Variants in TGFBRAP1 observed in about 807,000 individuals in gnomAD.
TGFBRAP1 encodes the protein transforming growth factor-beta receptor-associated protein 1.
TGFBRAP1 carries 20 observed loss-of-function variants against 83.2 expected under a neutral mutation model. The ratio of observed to expected loss-of-function variants is 0.24; its 90% CI spans 0.17 to 0.35. The LOEUF (loss-of-function observed/expected upper bound fraction) is 0.35, where lower values mean the gene tolerates loss of function less well. Among genes scored for constraint, TGFBRAP1 ranks in the 10% least tolerant of loss-of-function variants. The probability of loss-of-function intolerance (pLI) is 1.00; values close to 1 mark genes in which losing one functional copy is unlikely to be tolerated. For synonymous variants in TGFBRAP1, 415 were observed against 459.8 expected (o/e 0.90, Z 1.25); for missense variants, 950 against 1,099.4 (o/e 0.86, Z 1.92).
In TGFBRAP1 at chr2:105,273,573, C is replaced by G. The variant is rs558979466; in HGVS notation, c.1783G>C (p.Glu595Gln). 1 of 1,614,158 alleles carries G rather than the reference C, an allele frequency of 6.2e-7. No homozygotes were observed. Among genetic ancestry groups the G allele is most frequent in the Non-Finnish European group, 8.5e-7 (1 of 1,180,026 alleles). The change falls in exon 9 of 12, where the codon GAA becomes CAA. Residue 595 changes from glutamate to glutamine, a missense_variant. Transcript: ENST00000393359. ...AGTCTCTTGTCTATCACAAGATGTT[C>G]CAGATACTTCACAAGGGCTTTAGGG... Reference protein sequence around the residue: ...KYPKALVKYLEHLVIDKRLQK... With the variant: ...KYPKALVKYLQHLVIDKRLQK...
rs562024958 is a variant in TGFBRAP1 at position 105,317,403 on chromosome 2, C to T, written c.-17-9085G>A. ...AGTGAGCCAAGATCGTGCCACTGCACTCCAGCCTGGCGACAGAGTGAGACT... is the reference window on the plus strand; with the variant it reads ...AGTGAGCCAAGATCGTGCCACTGCATTCCAGCCTGGCGACAGAGTGAGACT... On this transcript the variant is annotated intron_variant, in intron 1 of 11. Transcript: ENST00000393359. Among the ~76,000 whole-genome samples, 14 of 151,104 alleles carry T rather than the reference C, an allele frequency of 9.3e-5. No individual in the cohort carries two copies. The East Asian group carries it at 2.7e-3, about 30-fold the overall frequency.
At chr2:105,294,337 T>C (rs543073695) in intron 4 of TGFBRAP1, among the ~76,000 whole-genome samples, 59 of 149,398 alleles carry the variant, frequency 3.9e-4, no homozygotes, top group African/African-American at 1.3e-3. Flanking sequence ...TGTGTGTGTG[T>C]AAAAGACAAG....
At chr2:105,275,786 T>C (rs1677320357) in intron 7 of TGFBRAP1, 83 bp from the exon 8 acceptor site, 8 of 1,414,744 alleles carry the variant, frequency 5.7e-6, no homozygotes, top group Non-Finnish European at 6.6e-6. Context: ...AGTTGAGAAA[T>C]GGCATATGTT....
At chr2:105,272,494 G>T (rs1055200812) in intron 10 of TGFBRAP1, among the ~76,000 whole-genome samples, 11 of 152,238 alleles carry the variant, frequency 7.2e-5, no homozygotes, top group Admixed American at 7.2e-4. Context: ...ATCAATCAAA[G>T]GGCACCGTCC....
At chr2:105,304,208 GT>G (rs1221555198) in intron 2 of TGFBRAP1, among the ~76,000 whole-genome samples, 1 of 152,146 alleles carries the variant, frequency 6.6e-6, no homozygotes, top group Non-Finnish European at 1.5e-5. Context: ...GTACTAAAAT[GT>G]TTACAGATGA....
chr2:105,312,089 G>C lies in TGFBRAP1; in HGVS notation c.-17-3771C>G, dbSNP rs74649324. On this transcript the variant is annotated intron_variant, in intron 1 of 11. Coordinates refer to ENST00000393359, the MANE Select transcript of TGFBRAP1 (RefSeq NM_004257.6). ...TCTGAATCAGAGAAGTTTCAACATG[G>C]TAATGTTTCAAAAGGAAACGTTTCT... 6.1e-3 allele frequency among the ~76,000 whole-genome samples: 924 copies of C among 152,134 alleles called. 14 individuals carry two copies. Among genetic ancestry groups the C allele is most frequent in the African/African-American group, 0.021 (880 of 41,494 alleles).
At chr2:105,321,531 A>G (rs79771917) in intron 1 of TGFBRAP1, among the ~76,000 whole-genome samples, 1 of 152,194 alleles carries the variant, frequency 6.6e-6, no homozygotes, top group African/African-American at 2.4e-5. Context: ...AGAAAAAAAA[A>G]TGTTTCTCTG....
chr2:105,282,365 T>G (rs2576742), intron 5 of TGFBRAP1, among the ~76,000 whole-genome samples: 1 of 152,148 alleles, frequency 6.6e-6, no homozygotes, highest in Non-Finnish European at 1.5e-5. Context: ...TCTCTTAAGT[T>G]TCAACCATAA....
At position 105,267,389 on chromosome 2, in the gene TGFBRAP1, C is replaced by T. The variant is rs1054564903; in HGVS notation, c.2577G>A (p.Arg859=). The change falls in exon 12 of 12, where the codon CGG becomes CGA. Residue 859 remains arginine, a synonymous_variant. Coordinates refer to ENST00000393359, the MANE Select transcript of TGFBRAP1 (RefSeq NM_004257.6). The part of the protein sequence containing the change: ...TNPSSSSPGT[R]T ...CACCCTTGGGCCAAGCTTTTCAAGT[C>T]CGAGTGCCAGGACTGGATGAGCTGG... The T allele has an allele frequency of 6.2e-7, 1 of 1,613,996 alleles. No homozygotes were observed. Among genetic ancestry groups the T allele is most frequent in the African/African-American group, 1.3e-5 (1 of 74,902 alleles).
At chr2:105,316,479 G>GCGCGCGCA (rs1558654739) in intron 1 of TGFBRAP1, among the ~76,000 whole-genome samples, 1 of 69,448 alleles carries the variant, frequency 1.4e-5, no homozygotes, top group Non-Finnish European at 3.3e-5. Flanking sequence ...GCGCGCGCGC[G>GCGCGCGCA]CACGCGCACA....
intron 2 of TGFBRAP1, among the ~76,000 whole-genome samples, chr2:105,302,866 T>G (rs1678348165): frequency 6.6e-6 from 1 of 152,200 alleles, no homozygotes; most frequent in South Asian, 2.1e-4. Context: ...GGAGAACTAC[T>G]CCAAGTGACT....
chr2:105,304,383 G>C (rs926229252), intron 2 of TGFBRAP1, among the ~76,000 whole-genome samples: 1 of 152,146 alleles, frequency 6.6e-6, no homozygotes, highest in Non-Finnish European at 1.5e-5. Context: ...TCACAGTACA[G>C]AAATCCTCAA....
In TGFBRAP1 at chr2:105,267,248, T is replaced by C. The variant is rs1676973415; in HGVS notation, c.*135A>G. The C allele has an allele frequency of 7.6e-6, 9 of 1,186,050 alleles. No homozygotes were observed. The highest frequency in any genetic ancestry group is 2.9e-4 in the Middle Eastern group (1 of 3,436). The allele number at this position is 1,186,050 out of a possible 1,614,324, so 73.5% of individuals were successfully genotyped here. ...AGCAGCGAGGAGTCCTTGTTGCGTA[T>C]GGACGGAAGGCTCCCTGGCACCCAG... On this transcript the variant is annotated 3_prime_UTR_variant, in exon 12 of 12. Transcript: ENST00000393359.
the TGFBRAP1 span, among the ~76,000 whole-genome samples, chr2:105,253,129 G>T: frequency 6.6e-6 from 1 of 151,688 alleles, no homozygotes; most frequent in South Asian, 2.1e-4. Flanking sequence ...ATGCCCCTTA[G>T]TTTTTTGTTT....
At chr2:105,308,443 A>T in intron 1 of TGFBRAP1, 125 bp from the exon 2 acceptor site, 1 of 1,047,340 alleles carries the variant, frequency 9.5e-7, no homozygotes, top group Non-Finnish European at 1.3e-6. Flanking sequence ...CACGCTATCA[A>T]AAAATGGAAA....
At chr2:105,279,866 C>T (rs1014031951) in intron 6 of TGFBRAP1, among the ~76,000 whole-genome samples, 1 of 151,782 alleles carries the variant, frequency 6.6e-6, no homozygotes, top group Admixed American at 6.6e-5. Context: ...GGCAAAACCC[C>T]GTCTCTACTA....
intron 3 of TGFBRAP1, among the ~76,000 whole-genome samples, chr2:105,296,744 T>A (rs1224333826): frequency 6.6e-6 from 1 of 150,436 alleles, no homozygotes; most frequent in African/African-American, 2.4e-5. Context: ...ATATCTTGCT[T>A]TCTTTTTTTG....
intron 5 of TGFBRAP1, among the ~76,000 whole-genome samples, chr2:105,283,540 T>G (rs1677612866): frequency 6.6e-6 from 1 of 152,232 alleles, no homozygotes; most frequent in East Asian, 1.9e-4. Flanking sequence ...TTTGAGAACT[T>G]ACTCTAAAGG....
chr2:105,262,535 T>C (rs1314858475), downstream of TGFBRAP1, among the ~76,000 whole-genome samples: 9 of 152,124 alleles, frequency 5.9e-5, no homozygotes, highest in East Asian at 1.7e-3. Context: ...AACTATCCAG[T>C]CTCGAATATT....
Sources: allele counts gnomAD v4.1 joint callset (sites outside exome capture counted in the v4.1 genomes callset), GRCh38; gene constraint gnomAD v4.1.1; transcripts MANE v1.5; gene names NCBI Gene and HGNC (gene_info 2026-07-23, HGNC 2026-07-21).